The following TRDMT1 variants were observed in gnomAD, a reference collection of about 807,000 sequenced individuals.
The protein encoded by TRDMT1 is tRNA aspartic acid methyltransferase 1.
In TRDMT1, 49 loss-of-function variants were observed where a neutral mutation model predicts 51.2. The observed-to-expected ratio is 0.96, with a 90% CI of 0.76 to 1.21. The LOEUF is 1.21. Ranked by LOEUF, TRDMT1 falls within the 50% of genes most tolerant of loss-of-function variation. The probability of loss-of-function intolerance (pLI) is 0.00; values close to 1 mark genes in which losing one functional copy is unlikely to be tolerated. For synonymous variants in TRDMT1, 187 were observed against 164.6 expected, an observed-to-expected ratio of 1.14 and a Z score of -1.04; for missense variants, 534 against 462.3, an observed-to-expected ratio of 1.16 and a Z score of -1.42.
At chr10:17,180,339 G>A (rs1311838664) in intron 1 of TRDMT1, among the ~76,000 whole-genome samples, 1 of 152,070 alleles carries the variant, frequency 6.6e-6, no homozygotes, top group Non-Finnish European at 1.5e-5. Flanking sequence ...TCAGGAGTTT[G>A]AGACCAGCCT....
chr10:17,151,320 A>G, intron 10 of TRDMT1: 5 of 985,424 alleles, frequency 5.1e-6, no homozygotes, highest in Non-Finnish European at 6.0e-6. Context: ...TGGGATGAAC[A>G]AGGTCAAGAT....
chr10:17,143,840 C>T lies in TRDMT1; in HGVS notation c.*5200G>A, dbSNP rs1837880664. 1.0e-6 allele frequency: 1 copy of T among 985,236 alleles called. No individual in the cohort carries two copies. Among genetic ancestry groups the T allele is most frequent in the African/African-American group, 1.7e-5 (1 of 57,196 alleles). The allele number at this position is 985,236 out of a possible 1,614,324, so 61.0% of individuals were successfully genotyped here. ...TGAACTTGGAAGATGTGGAGACTAA[C>T]CGTACCATAAATATTAAAGTCAAGA... On this transcript the variant is annotated 3_prime_UTR_variant, in exon 11 of 11. Transcript: ENST00000377799.
At position 17,140,762 on chromosome 10, in the gene TRDMT1, T is replaced by C. The variant is rs1392030440; in HGVS notation, c.*8278A>G. Among the ~76,000 whole-genome samples the C allele has an allele frequency of 6.6e-6, 1 of 151,974 alleles. No homozygotes were observed. Among genetic ancestry groups the C allele is most frequent in the Non-Finnish European group, 1.5e-5 (1 of 67,976 alleles). On this transcript the variant is annotated 3_prime_UTR_variant, in exon 11 of 11. Transcript: ENST00000377799. ...AAAAAGATCACATTCAATTGAAAAATATAAACAAGAAAAATTAAAATGCTA... is the reference window on the plus strand; with the variant it reads ...AAAAAGATCACATTCAATTGAAAAACATAAACAAGAAAAATTAAAATGCTA...
chr10:17,172,400 G>A (rs1277199102), intron 2 of TRDMT1, among the ~76,000 whole-genome samples: 1 of 152,120 alleles, frequency 6.6e-6, no homozygotes, highest in Non-Finnish European at 1.5e-5. Flanking sequence ...GCTCATGCCT[G>A]TAATCCCAGC....
chr10:17,190,616 TTTG>T (rs1016675115), intron 1 of TRDMT1, among the ~76,000 whole-genome samples: 6 of 152,288 alleles, frequency 3.9e-5, no homozygotes, highest in Middle Eastern at 3.4e-3. Context: ...CAGAAAAATA[TTTG>T]TTATCTATTA....
In TRDMT1 at chr10:17,143,718, G is replaced by A. The variant is rs538961567; in HGVS notation, c.*5322C>T. ...TAAGTTTTCCTAAAAATAAATGATC[G>A]TTCAGAGGCCTGCCTTAGGAAGGCC... is the stretch of plus-strand genomic sequence containing the variant. On this transcript the variant is annotated 3_prime_UTR_variant, in exon 11 of 11. Coordinates refer to ENST00000377799, the MANE Select transcript of TRDMT1 (RefSeq NM_004412.7). 54 of 985,348 alleles carry A rather than the reference G, an allele frequency of 5.5e-5. No homozygotes were observed. In the East Asian group the frequency reaches 1.2e-3, roughly 23 times the overall value. The allele number at this position is 985,348 out of a possible 1,614,324, so 61.0% of individuals were successfully genotyped here.
At chr10:17,153,300 T>C (rs893593311) in intron 10 of TRDMT1, 13 of 584,808 alleles carry the variant, frequency 2.2e-5, no homozygotes, top group Non-Finnish European at 3.8e-5. Context: ...CTACTGGAGT[T>C]AGAGAGGGGG....
At chr10:17,167,116 G>A (rs1841326589) in intron 3 of TRDMT1, among the ~76,000 whole-genome samples, 1 of 152,120 alleles carries the variant, frequency 6.6e-6, no homozygotes, top group Non-Finnish European at 1.5e-5. Context: ...TTATTTGTCA[G>A]CCATTCCCAT....
intron 1 of TRDMT1, 70 bp downstream of exon 1, chr10:17,201,501 C>A: frequency 1.5e-6 from 2 of 1,291,870 alleles, no homozygotes; most frequent in Non-Finnish European, 1.1e-6. Context: ...CGCTCCGCCC[C>A]TTCCCGGCGC....
intron 1 of TRDMT1, among the ~76,000 whole-genome samples, chr10:17,197,910 T>C (rs1315035790): frequency 6.6e-6 from 1 of 151,956 alleles, no homozygotes; most frequent in Non-Finnish European, 1.5e-5. Flanking sequence ...GGCAGGGACT[T>C]GTAATCCCAG....
At chr10:17,187,646 C>A (rs1043819410) in intron 1 of TRDMT1, among the ~76,000 whole-genome samples, 8 of 151,978 alleles carry the variant, frequency 5.3e-5, no homozygotes, top group Non-Finnish European at 8.8e-5. Context: ...TAAACAAGTA[C>A]AATACAAAAT....
intron 6 of TRDMT1, among the ~76,000 whole-genome samples, chr10:17,159,702 A>G (rs11254411): frequency 0.42 from 63,458 of 152,042 alleles, 15,266 homozygotes; most frequent in South Asian, 0.57. Context: ...TGTATCTTGA[A>G]TTTTTGAAAT....
At position 17,162,207 on chromosome 10, in the gene TRDMT1, T is replaced by C. The variant is rs1840459942; in HGVS notation, c.282A>G (p.Ser94=). ...GAATATGTAAGAAGCTATTCGTCCT[T>C]GAATCAGTCATATCACCCTGCCGGC... ...RIGRQGDMTD[S]RTNSFLHILD... The change falls in exon 4 of 11, where the codon TCA becomes TCG. Residue 94 remains serine, a synonymous_variant. Coordinates refer to ENST00000377799, the MANE Select transcript of TRDMT1 (RefSeq NM_004412.7). 1.0e-5 allele frequency: 16 copies of C among 1,607,850 alleles called. No homozygotes were observed. The highest frequency in any genetic ancestry group is 1.3e-5 in the Non-Finnish European group (15 of 1,177,378).
At chr10:17,160,195 C>CTA (rs963891347) in intron 6 of TRDMT1, 110 bp downstream of exon 6, 6 of 631,614 alleles carry the variant, frequency 9.5e-6, no homozygotes, top group African/African-American at 7.7e-5. Flanking sequence ...TTCAGTTTAC[C>CTA]TATAATATTA....
rs1187681952 is a variant in TRDMT1, at chr10:17,147,679, A to G, written c.*1361T>C. On this transcript the variant is annotated 3_prime_UTR_variant, in exon 11 of 11. Transcript: ENST00000377799. ...AGGCTGGTACTATTCCACTGCATGC[A>G]CGGAACACAATTCCTGCATCCATTC... The G allele has an allele frequency of 6.5e-6, 1 of 153,122 alleles. No homozygotes were observed. The highest frequency in any genetic ancestry group is 2.4e-5 in the African/African-American group (1 of 41,464). 9.5% of individuals were successfully genotyped at this position (153,122 alleles called of 1,614,324 possible).
At chr10:17,151,723 A>G in intron 10 of TRDMT1, 1 of 851,558 alleles carries the variant, frequency 1.2e-6, no homozygotes, top group Non-Finnish European at 1.4e-6. Context: ...TATTTATGAA[A>G]TAAAGATTAT....
chr10:17,199,496 C>A (rs1564357085), intron 1 of TRDMT1, among the ~76,000 whole-genome samples: 1 of 152,120 alleles, frequency 6.6e-6, no homozygotes, highest in South Asian at 2.1e-4. Flanking sequence ...CAGTAAGCCT[C>A]GACAAGAAAG....
Position 17,201,634 on chromosome 10 carries a change from TCC to T in TRDMT1, c.-2_-1del. The stretch of plus-strand genomic sequence containing the variant: ...AGCTCCAGCACCCGCAGGGGCTCCA[TCC>T]CCGCGCCTCAGCCGCCGCAGCCCCG... On this transcript the variant is annotated 5_prime_UTR_variant, in exon 1 of 11. Coordinates refer to ENST00000377799, the MANE Select transcript of TRDMT1 (RefSeq NM_004412.7). The T allele has an allele frequency of 6.5e-7, 1 of 1,540,798 alleles. No individual in the cohort carries two copies. Among genetic ancestry groups the T allele is most frequent in the East Asian group, 2.5e-5 (1 of 40,228 alleles).
At chr10:17,193,158 G>T (rs1262143775) in intron 1 of TRDMT1, among the ~76,000 whole-genome samples, 1 of 152,196 alleles carries the variant, frequency 6.6e-6, no homozygotes, top group East Asian at 1.9e-4. Context: ...GAGGTCAGGA[G>T]TTCGAGACCA....
Sources: allele counts gnomAD v4.1 joint callset (sites outside exome capture counted in the v4.1 genomes callset), GRCh38; gene constraint gnomAD v4.1.1; transcripts MANE v1.5; gene names NCBI Gene and HGNC (gene_info 2026-07-23, HGNC 2026-07-21).